Variants in NKAIN4 observed in about 807,000 individuals in gnomAD.
The protein encoded by NKAIN4 is sodium/potassium transporting ATPase interacting 4.
In NKAIN4, 28 loss-of-function variants were observed where a neutral mutation model predicts 28.8. The ratio of observed to expected loss-of-function variants is 0.97; its 90% CI spans 0.72 to 1.33. The LOEUF is 1.33. Ranked by LOEUF, NKAIN4 falls within the 40% of genes most tolerant of loss-of-function variation. The pLI is 0.00. For missense variants in NKAIN4, 289 were observed against 277.2 expected (o/e 1.04, Z -0.30); for synonymous variants, 122 against 115.6 (o/e 1.06, Z -0.36).
intron 4 of NKAIN4, chr20:63,247,090 C>A (rs564608876): frequency 9.7e-7 from 1 of 1,033,596 alleles, no homozygotes. Context: ...GCCAGCCTTG[C>A]CAGATGCATA....
chr20:63,242,716 G>A (rs2066778948), intron 5 of NKAIN4, 93 bp from the exon 6 acceptor site: 1 of 923,344 alleles, frequency 1.1e-6, no homozygotes, highest in Non-Finnish European at 1.8e-6. Context: ...AGAAGCCCAA[G>A]GGGTCCCTGG....
intron 5 of NKAIN4, 70 bp from the exon 6 acceptor site, chr20:63,242,693 C>G: frequency 7.8e-7 from 1 of 1,277,464 alleles, no homozygotes; most frequent in African/African-American, 1.5e-5. Context: ...GGAAAACAAG[C>G]CCAACCAGAC....
At position 63,241,055 on chromosome 20, in the gene NKAIN4, T is replaced by A. The variant is rs1427222171; in HGVS notation, c.*442A>T. The A allele has an allele frequency of 5.3e-6, 1 of 187,324 alleles. No homozygotes were observed. The allele number at this position is 187,324 out of a possible 1,614,324, so 11.6% of individuals were successfully genotyped here. ...CATGTTCAACAGGGGCCCTCACCGC[T>A]TGAGGGGTCTCGGGCCTCACATTGA... On this transcript the variant is annotated 3_prime_UTR_variant, in exon 7 of 7. Transcript: ENST00000370316.
chr20:63,245,683 C>T lies in NKAIN4; in HGVS notation c.472-1599G>A, dbSNP rs996923128. On this transcript the variant is annotated intron_variant, in intron 4 of 6. Transcript: ENST00000370316. The surrounding 1 kb of genome is among the most constrained non-coding windows in gnomAD (Gnocchi z 4.7). ...CATCCCCAGCACAGCTGGGCAGAGG[C>T]CAACCAAGCCGCCAGCCTCTCCCAG... Among the ~76,000 whole-genome samples the T allele has an allele frequency of 6.6e-6, 1 of 152,138 alleles. No homozygotes were observed. Among genetic ancestry groups the T allele is most frequent in the Non-Finnish European group, 1.5e-5 (1 of 68,026 alleles).
Position 63,254,380 on chromosome 20 carries a change from G to A in NKAIN4, c.54+17C>T, listed in dbSNP as rs764894081. On this transcript the variant is annotated intron_variant, in intron 1 of 6. Transcript: ENST00000370316. The stretch of plus-strand genomic sequence containing the variant: ...CACCGGGGGCTCCAGGAGGCTCGCG[G>A]AGGGGTCGCCACTCACCAGCTGAAA... 3.8e-5 allele frequency: 55 copies of A among 1,446,332 alleles called. No individual in the cohort carries two copies. In the Middle Eastern group the frequency reaches 7.2e-4, roughly 19 times the overall value. 89.6% of individuals were successfully genotyped at this position (1,446,332 alleles called of 1,614,324 possible). A position where few individuals can be genotyped will look rare whatever the true frequency, so the allele number is the denominator to read the frequency against.
chr20:63,253,225 T>A (rs967488224), intron 1 of NKAIN4: 1 of 985,334 alleles, frequency 1.0e-6, no homozygotes, highest in Admixed American at 6.2e-5. Context: ...CACTGAAAGA[T>A]ACCAACTGTT....
chr20:63,252,177 T>C lies in NKAIN4; in HGVS notation c.55-2105A>G, dbSNP rs1378296866. Among the ~76,000 whole-genome samples the C allele has an allele frequency of 6.6e-6, 1 of 152,102 alleles. No homozygotes were observed. The highest frequency in any genetic ancestry group is 2.4e-5 in the African/African-American group (1 of 41,410). On this transcript the variant is annotated intron_variant, in intron 1 of 6. Transcript: ENST00000370316. This position sits in a 1 kb window ranked among gnomAD's most constrained non-coding sequence, Gnocchi z 4.6. ...TCTCGAAGCCAAGGCTCCCAGAGGC[T>C]CAGGGCTCCATGACATGTGGCGACA...
chr20:63,250,818 C>T (rs970817945), intron 1 of NKAIN4, among the ~76,000 whole-genome samples: 71 of 152,230 alleles, frequency 4.7e-4, no homozygotes, highest in African/African-American at 1.6e-3. Flanking sequence ...CGGCACCACC[C>T]GTCACCAGCT....
chr20:63,243,258 G>T (rs2066793495), intron 5 of NKAIN4, among the ~76,000 whole-genome samples: 1 of 152,142 alleles, frequency 6.6e-6, no homozygotes, highest in African/African-American at 2.4e-5. Context: ...GGGCGCTGGG[G>T]ACCGAGGCTC....
At chr20:63,250,518 G>C (rs1226033368) in intron 1 of NKAIN4, among the ~76,000 whole-genome samples, 1 of 152,156 alleles carries the variant, frequency 6.6e-6, no homozygotes, top group East Asian at 1.9e-4. Context: ...GGGAGGGACG[G>C]ACGCGGGTTC....
In NKAIN4 at chr20:63,245,988, C is replaced by T. The variant is rs576191196; in HGVS notation, c.471+1590G>A. On this transcript the variant is annotated intron_variant, in intron 4 of 6. Transcript: ENST00000370316. This position sits in a 1 kb window ranked among gnomAD's most constrained non-coding sequence, Gnocchi z 4.7. ...TGTCACCCAGGCTGGAGTGCAGTGGCGTGATCTCTGCTCACTGCAAGCTCT... is the reference window on the plus strand; with the variant it reads ...TGTCACCCAGGCTGGAGTGCAGTGGTGTGATCTCTGCTCACTGCAAGCTCT... 1.8e-4 allele frequency among the ~76,000 whole-genome samples: 27 copies of T among 151,280 alleles called. No homozygotes were observed. The highest frequency in any genetic ancestry group is 1.0e-3 in the South Asian group (5 of 4,786).
intron 5 of NKAIN4, among the ~76,000 whole-genome samples, chr20:63,243,253 C>T (rs912018197): frequency 6.6e-6 from 1 of 152,136 alleles, no homozygotes; most frequent in Non-Finnish European, 1.5e-5. Context: ...ATGCTGGGCG[C>T]TGGGGACCGA....
Position 63,241,133 on chromosome 20 carries a change from C to G in NKAIN4, c.*364G>C, listed in dbSNP as rs2066742790. On this transcript the variant is annotated 3_prime_UTR_variant, in exon 7 of 7. Transcript: ENST00000370316. ...CAGTGCTTGCAGCCCGAGGGTCCAGCAGCCCCAGGTGGGCACCTGAGGGAG... is the reference window on the plus strand; with the variant it reads ...CAGTGCTTGCAGCCCGAGGGTCCAGGAGCCCCAGGTGGGCACCTGAGGGAG... The G allele has an allele frequency of 3.4e-6, 1 of 291,476 alleles. No homozygotes were observed. Among genetic ancestry groups the G allele is most frequent in the South Asian group, 3.8e-5 (1 of 26,594 alleles). The allele number at this position is 291,476 out of a possible 1,614,324, so 18.1% of individuals were successfully genotyped here. A position where few individuals can be genotyped will look rare whatever the true frequency, so the allele number is the denominator to read the frequency against.
rs1427521331 is a variant in NKAIN4, at chr20:63,245,078, A to G, written c.472-994T>C. 6.6e-6 allele frequency among the ~76,000 whole-genome samples: 1 copy of G among 152,184 alleles called. No individual in the cohort carries two copies. Among genetic ancestry groups the G allele is most frequent in the Admixed American group, 6.5e-5 (1 of 15,288 alleles). On this transcript the variant is annotated intron_variant, in intron 4 of 6. Transcript: ENST00000370316. This position sits in a 1 kb window ranked among gnomAD's most constrained non-coding sequence, Gnocchi z 4.7. ...CGCAGGCCAGGCCCCAGGGCTGGACATGCTTGGGCTCCGTCCCCCCGACCC... is the reference window on the plus strand; with the variant it reads ...CGCAGGCCAGGCCCCAGGGCTGGACGTGCTTGGGCTCCGTCCCCCCGACCC...
At position 63,247,618 on chromosome 20, in the gene NKAIN4, T is replaced by C; in HGVS notation, c.431A>G (p.Tyr144Cys). ...SGAGCALEPS[Y>C]VEALHSCLQI... ...CAGGCAACTGTGTAGGGCCTCCACA[T>C]AGCTGGGCTCCAGGGCACAGCCAGC... The change falls in exon 4 of 7, where the codon TAT (tyrosine) becomes TGT (cysteine). Residue 144 changes from tyrosine to cysteine, a missense_variant. Transcript: ENST00000370316. The C allele has an allele frequency of 1.9e-6, 3 of 1,547,754 alleles. No homozygotes were observed. Among genetic ancestry groups the C allele is most frequent in the Non-Finnish European group, 2.6e-6 (3 of 1,145,516 alleles).
chr20:63,254,033 A>C, intron 1 of NKAIN4: 1 of 241,662 alleles, frequency 4.1e-6, no homozygotes. Flanking sequence ...ACAGGCGCGC[A>C]CCCGGGGGCG....
Position 63,248,824 on chromosome 20 carries a change from G to A in NKAIN4, c.264C>T (p.Gly88=), listed in dbSNP as rs138254796. ...FIICFYLEVG[G]LLKDSELLTF... ...CCCAGTCTGCACTCACCTTTAAGAGGCCACCGACTTCCAGGTAGAAGCAGA... is the reference window on the plus strand; with the variant it reads ...CCCAGTCTGCACTCACCTTTAAGAGACCACCGACTTCCAGGTAGAAGCAGA... Residue 88 remains glycine, a synonymous_variant, in exon 3 of 7, where the codon GGC becomes GGT. Transcript: ENST00000370316. The A allele has an allele frequency of 2.6e-4, 419 of 1,611,614 alleles. No individual in the cohort carries two copies. The highest frequency in any genetic ancestry group is 3.4e-4 in the Non-Finnish European group (396 of 1,178,990).
At chr20:63,249,494 CAG>C (rs1332443685) in intron 2 of NKAIN4, among the ~76,000 whole-genome samples, 2 of 152,182 alleles carry the variant, frequency 1.3e-5, no homozygotes, top group Non-Finnish European at 1.5e-5. Flanking sequence ...GCTGACTGAG[CAG>C]AGAGACATTT....
At chr20:63,254,558 G>A, upstream of NKAIN4, 2 of 765,700 alleles carry the variant, frequency 2.6e-6, no homozygotes, top group Non-Finnish European at 3.5e-6. Context: ...TCCGCATCCC[G>A]TTCCCCCCTC....
Sources: gnomAD v4.1 joint callset for allele counts (sites outside exome capture counted in the v4.1 genomes callset) on GRCh38, gnomAD v4.1.1 for gene constraint, Gnocchi (gnomAD v3.1) non-coding constraint, MANE v1.5 for transcripts, NCBI Gene and HGNC (gene_info 2026-07-23, HGNC 2026-07-21) for gene names.